Variants in CLNK observed in about 807,000 individuals in gnomAD.
The protein encoded by CLNK is cytokine dependent hematopoietic cell linker.
CLNK carries 74 observed loss-of-function variants against 68.6 expected under a neutral mutation model. That is an observed-to-expected ratio of 1.08 (90% confidence interval 0.89 to 1.31). The LOEUF is 1.31. Among genes scored for constraint, CLNK ranks in the 50% most tolerant of loss-of-function variants. The probability of loss-of-function intolerance (pLI) is 0.00; values close to 1 mark genes in which losing one functional copy is unlikely to be tolerated. For synonymous variants in CLNK, 198 were observed against 172.2 expected (o/e 1.15, Z -1.17); for missense variants, 553 against 515.3 (o/e 1.07, Z -0.71).
intron 15 of CLNK, 137 bp from the exon 16 acceptor site, chr4:10,513,734 C>G: frequency 2.8e-6 from 2 of 715,380 alleles, no homozygotes; most frequent in Admixed American, 4.0e-5. Flanking sequence ...TATCAGCTCA[C>G]TCAGTGACCT....
chr4:10,724,575 C>A, the CLNK span, among the ~76,000 whole-genome samples: 871 of 151,528 alleles, frequency 5.7e-3, 6 homozygotes, highest in African/African-American at 0.02. Context: ...GGGCTTAGAA[C>A]AATGGACAGC....
At chr4:10,658,195 T>TC (rs1438853717) in intron 2 of CLNK, among the ~76,000 whole-genome samples, 1 of 152,220 alleles carries the variant, frequency 6.6e-6, no homozygotes, top group Non-Finnish European at 1.5e-5. Context: ...ACAGAGGACC[T>TC]CTTATTAGCA....
chr4:10,549,077 C>A (rs1392105831), intron 8 of CLNK, among the ~76,000 whole-genome samples: 2 of 152,156 alleles, frequency 1.3e-5, no homozygotes, highest in African/African-American at 4.8e-5. Flanking sequence ...TTTTTCTAGC[C>A]TCACTTAGTA....
chr4:10,614,406 G>A (rs550736011), intron 2 of CLNK, among the ~76,000 whole-genome samples: 11 of 152,254 alleles, frequency 7.2e-5, no homozygotes, highest in South Asian at 4.1e-4. Context: ...CTATGATGCC[G>A]TTGTTTCTCC....
chr4:10,535,107 G>T (rs1718690635), intron 11 of CLNK, among the ~76,000 whole-genome samples: 2 of 152,140 alleles, frequency 1.3e-5, no homozygotes, highest in Admixed American at 6.6e-5. Context: ...CCAGCACTTT[G>T]AGAGGATAAG....
chr4:10,663,076 A>G (rs1724255554), intron 2 of CLNK, among the ~76,000 whole-genome samples: 1 of 152,218 alleles, frequency 6.6e-6, no homozygotes, highest in Non-Finnish European at 1.5e-5. Flanking sequence ...TGTCTCTTCC[A>G]AAGCACTCAG....
intron 8 of CLNK, among the ~76,000 whole-genome samples, chr4:10,550,940 C>T (rs147324676): frequency 1.6e-3 from 236 of 152,248 alleles, no homozygotes; most frequent in African/African-American, 5.4e-3. Flanking sequence ...TTCCACGCAG[C>T]GAATCTGGTG....
intron 3 of CLNK, among the ~76,000 whole-genome samples, chr4:10,586,193 T>C (rs1051121592): frequency 6.6e-6 from 1 of 152,192 alleles, no homozygotes; most frequent in Non-Finnish European, 1.5e-5. Context: ...CAGTACTGGT[T>C]CGTGGCCTGG....
chr4:10,625,998 G>A (rs908944174), intron 2 of CLNK, among the ~76,000 whole-genome samples: 3 of 152,238 alleles, frequency 2.0e-5, no homozygotes, highest in South Asian at 2.1e-4. Flanking sequence ...ATTCGTGTGT[G>A]GAAATGATTC....
chr4:10,691,078 C>T, the CLNK span, among the ~76,000 whole-genome samples: 2 of 152,138 alleles, frequency 1.3e-5, no homozygotes, highest in East Asian at 3.9e-4. Flanking sequence ...GACCCAGCCA[C>T]GTGAAGCTCT....
At chr4:10,727,207 T>G in the CLNK span, among the ~76,000 whole-genome samples, 1 of 152,242 alleles carries the variant, frequency 6.6e-6, no homozygotes, top group African/African-American at 2.4e-5. Flanking sequence ...CCATTCTCTT[T>G]TCACTTGCAA....
chr4:10,667,788 C>G, intron 2 of CLNK, 71 bp downstream of exon 2: 1 of 1,431,468 alleles, frequency 7.0e-7, no homozygotes, highest in Non-Finnish European at 9.4e-7. Flanking sequence ...CTCAGTTCAT[C>G]TTCCAGAAAA....
At chr4:10,523,917 C>G (rs1274494198) in intron 14 of CLNK, 1 of 379,726 alleles carries the variant, frequency 2.6e-6, no homozygotes, top group Non-Finnish European at 5.2e-6. Flanking sequence ...TCCAGCTACT[C>G]TGGGGGATGA....
At chr4:10,588,471 T>C (rs1721064869) in intron 3 of CLNK, among the ~76,000 whole-genome samples, 1 of 152,188 alleles carries the variant, frequency 6.6e-6, no homozygotes, top group African/African-American at 2.4e-5. Context: ...GAGGCAGAAC[T>C]GAAGTCTTCT....
rs1203762372 is a variant in CLNK, at chr4:10,558,529, G to T, written c.400-77C>A. 9.4e-6 allele frequency: 13 copies of T among 1,389,554 alleles called. No homozygotes were observed. In the South Asian group the frequency reaches 1.2e-4, roughly 13 times the overall value. 86.1% of individuals were successfully genotyped at this position (1,389,554 alleles called of 1,614,324 possible). ...ATCTGATGTCTTGACACTCTCTGTG[G>T]TTAGGTTCCCAAGGATAAAGCCGTA... On this transcript the variant is annotated intron_variant, in intron 7 of 18. Coordinates refer to ENST00000226951, the MANE Select transcript of CLNK (RefSeq NM_052964.4).
chr4:10,706,166 G>A, the CLNK span, among the ~76,000 whole-genome samples: 1 of 152,214 alleles, frequency 6.6e-6, no homozygotes, highest in Non-Finnish European at 1.5e-5. Flanking sequence ...GGGAATAGGT[G>A]TAGTGGAAAT....
At chr4:10,635,218 G>A (rs931714954) in intron 2 of CLNK, among the ~76,000 whole-genome samples, 2 of 152,188 alleles carry the variant, frequency 1.3e-5, no homozygotes, top group East Asian at 3.8e-4. Flanking sequence ...CCGACATTCC[G>A]TATTAGACAT....
chr4:10,723,916 G>A, the CLNK span, among the ~76,000 whole-genome samples: 7 of 141,396 alleles, frequency 5.0e-5, no homozygotes, highest in Admixed American at 2.8e-4. Flanking sequence ...GAGAGAGAGA[G>A]AGAAGGCAGG....
intron 18 of CLNK, among the ~76,000 whole-genome samples, chr4:10,500,632 A>G (rs529561369): frequency 6.6e-6 from 1 of 151,318 alleles, no homozygotes; most frequent in South Asian, 2.1e-4. Flanking sequence ...GTGAGCCGAG[A>G]TCTGTACTCT....
Sources: gnomAD v4.1 joint callset for allele counts (sites outside exome capture counted in the v4.1 genomes callset) on GRCh38, gnomAD v4.1.1 for gene constraint, MANE v1.5 for transcripts, NCBI Gene and HGNC (gene_info 2026-07-23, HGNC 2026-07-21) for gene names.